The following SULT1C3 variants were observed in gnomAD, a reference collection of about 807,000 sequenced individuals.
The protein encoded by SULT1C3 is sulfotransferase family 1C member 3, also known as sulfotransferase 1C3.
In SULT1C3, 31 loss-of-function variants were observed where a neutral mutation model predicts 28.4. The ratio of observed to expected loss-of-function variants is 1.09; its 90% CI spans 0.82 to 1.47. SULT1C3 has a LOEUF of 1.47. Among genes scored for constraint, SULT1C3 ranks in the 40% most tolerant of loss-of-function variants. SULT1C3 has a pLI of 0.00. For synonymous variants in SULT1C3, 106 were observed against 92.2 expected (o/e 1.15, Z -0.86); for missense variants, 307 against 272.5 (o/e 1.13, Z -0.89).
chr2:108,265,170 G>T (rs1272462350), downstream of SULT1C3: 7 of 1,500,354 alleles, frequency 4.7e-6, no homozygotes, highest in Middle Eastern at 1.8e-4. Context: ...TCTTGGTGGG[G>T]TCCTAAGGGT....
chr2:108,264,814 T>G, downstream of SULT1C3: 1 of 1,600,820 alleles, frequency 6.2e-7, no homozygotes, highest in Non-Finnish European at 8.5e-7. Context: ...GTGTGACTGT[T>G]CCACATACAG....
rs566979758 is a variant in SULT1C3, at chr2:108,253,177, A to G, written c.302-168A>G. ...AGGAAATAAGCAAAACTCTCCTAGA[A>G]GGTTAGGCAGGATTGGATGCTTTGT... On this transcript the variant is annotated intron_variant, in intron 3 of 7. Coordinates refer to ENST00000681802, the MANE Select transcript of SULT1C3 (RefSeq NM_001320878.2). Among the ~76,000 whole-genome samples the G allele has an allele frequency of 1.3e-5, 2 of 152,244 alleles. 1 individual carries two copies. Among genetic ancestry groups the G allele is most frequent in the Admixed American group, 1.3e-4 (2 of 15,284 alleles).
Position 108,260,510 on chromosome 2 carries a change from A to G in SULT1C3, c.803-58A>G, listed in dbSNP as rs200321455. The G allele has an allele frequency of 4.4e-4, 201 of 457,798 alleles. 2 individuals are homozygous for G. Among genetic ancestry groups the G allele is most frequent in the South Asian group, 2.5e-3 (157 of 62,136 alleles). 28.4% of individuals were successfully genotyped at this position (457,798 alleles called of 1,614,324 possible). On this transcript the variant is annotated intron_variant, in intron 7 of 7. Transcript: ENST00000681802. ...GGTAGGCCTAGGAACCATTCACTAT[A>G]GAAAGGTTAGGTGGAATGGGTGCAG...
chr2:108,261,525 T>C (rs1429492781), downstream of SULT1C3, among the ~76,000 whole-genome samples: 2 of 152,132 alleles, frequency 1.3e-5, no homozygotes, highest in African/African-American at 4.8e-5. Flanking sequence ...CCTGGTTTTT[T>C]ATATGACCAA....
At chr2:108,250,554 C>T (rs992772667) in intron 2 of SULT1C3, among the ~76,000 whole-genome samples, 1 of 150,066 alleles carries the variant, frequency 6.7e-6, no homozygotes, top group Non-Finnish European at 1.5e-5. Context: ...AGAGATTCAC[C>T]CCCACCCCCA....
At position 108,260,621 on chromosome 2, in the gene SULT1C3, G is replaced by A; in HGVS notation, c.856G>A (p.Asp286Asn). ...TACTGTGGCTTTGAATGAGAACTTT[G>A]ATAAGCATTATGAAAAGAAGATGGC... ...HFTVALNENF[D>N]KHYEKKMAGS... Residue 286 changes from aspartate to asparagine, a missense_variant, in exon 8 of 8, where the codon GAT becomes AAT. Coordinates refer to ENST00000681802, the MANE Select transcript of SULT1C3 (RefSeq NM_001320878.2). The A allele has an allele frequency of 2.0e-6, 1 of 504,120 alleles. No homozygotes were observed. The highest frequency in any genetic ancestry group is 1.5e-5 in the South Asian group (1 of 68,490). 31.2% of individuals were successfully genotyped at this position (504,120 alleles called of 1,614,324 possible).
chr2:108,241,744 G>A (rs1251364016), intron 1 of SULT1C3, among the ~76,000 whole-genome samples: 1 of 152,104 alleles, frequency 6.6e-6, no homozygotes, highest in Non-Finnish European at 1.5e-5. Context: ...TGGCTAACAT[G>A]GTGAAACTCC....
In SULT1C3 at chr2:108,253,269, C is replaced by T. The variant is rs1011511933; in HGVS notation, c.302-76C>T. On this transcript the variant is annotated intron_variant, in intron 3 of 7. Coordinates refer to ENST00000681802, the MANE Select transcript of SULT1C3 (RefSeq NM_001320878.2). ...AAACAAAATATAATCACTCTACAGACAAAGATATAAATGGAATTCAAGTAT... is the reference window on the plus strand; with the variant it reads ...AAACAAAATATAATCACTCTACAGATAAAGATATAAATGGAATTCAAGTAT... The T allele has an allele frequency of 5.3e-6, 5 of 947,840 alleles. No homozygotes were observed. The Admixed American group carries it at 8.4e-5, about 16-fold the overall frequency. The allele number at this position is 947,840 out of a possible 1,614,324, so 58.7% of individuals were successfully genotyped here.
intron 1 of SULT1C3, among the ~76,000 whole-genome samples, chr2:108,241,020 A>T (rs1312197051): frequency 1.3e-5 from 2 of 152,190 alleles, no homozygotes; most frequent in Admixed American, 6.5e-5. Flanking sequence ...ATCCTCCATG[A>T]GTTGTGTGAG....
At chr2:108,265,045 T>G, downstream of SULT1C3, 1 of 1,568,304 alleles carries the variant, frequency 6.4e-7, no homozygotes, top group Non-Finnish European at 8.6e-7. Flanking sequence ...AATGGAACTC[T>G]GTGGTCCCCA....
chr2:108,262,583 G>A (rs1676047979), downstream of SULT1C3, among the ~76,000 whole-genome samples: 1 of 152,196 alleles, frequency 6.6e-6, no homozygotes, highest in African/African-American at 2.4e-5. Context: ...GTTAAGAACT[G>A]TAAGGTTTGA....
At chr2:108,265,306 G>T, downstream of SULT1C3, 1 of 1,613,976 alleles carries the variant, frequency 6.2e-7, no homozygotes, top group Non-Finnish European at 8.5e-7. Context: ...AGGACTACCA[G>T]AAGAAGATGG....
intron 2 of SULT1C3, 114 bp downstream of exon 2, chr2:108,247,480 G>T (rs1675617266): frequency 9.5e-7 from 1 of 1,053,870 alleles, no homozygotes; most frequent in Non-Finnish European, 1.3e-6. Context: ...CCTCATTATG[G>T]AGATCTGTTC....
chr2:108,255,823 G>A (rs1675854383), intron 5 of SULT1C3, 125 bp downstream of exon 5: 3 of 1,223,440 alleles, frequency 2.5e-6, no homozygotes, highest in Admixed American at 3.3e-5. Flanking sequence ...TTGATGATCT[G>A]GGACTGGAGA....
chr2:108,253,077 A>G (rs929678777), intron 3 of SULT1C3, among the ~76,000 whole-genome samples: 14 of 152,054 alleles, frequency 9.2e-5, no homozygotes, highest in Non-Finnish European at 4.4e-5. Context: ...ACAACCAGAT[A>G]TATAACAAAC....
rs201303511 is a variant in SULT1C3 at position 108,259,082 on chromosome 2, G to A, written c.738G>A (p.Met246Ile). The A allele has an allele frequency of 9.7e-5, 61 of 630,014 alleles. No homozygotes were observed. Among genetic ancestry groups the A allele is most frequent in the African/African-American group, 1.8e-5 (1 of 55,408 alleles). 39.0% of individuals were successfully genotyped at this position (630,014 alleles called of 1,614,324 possible). The change falls in exon 7 of 8, where the codon ATG becomes ATA. Residue 246 changes from methionine to isoleucine, a missense_variant. Transcript: ENST00000681802. Reference sequence around the variant, plus strand: ...TTGATGTAATGAAGGATAATCCCATGGCCAACCATACTGCGGTACCTGCTC... The same window carrying A: ...TTGATGTAATGAAGGATAATCCCATAGCCAACCATACTGCGGTACCTGCTC... ...TSFDVMKDNP[M>I]ANHTAVPAHI...
intron 2 of SULT1C3, among the ~76,000 whole-genome samples, chr2:108,247,967 T>G (rs1675628942): frequency 6.6e-6 from 1 of 152,142 alleles, no homozygotes; most frequent in African/African-American, 2.4e-5. Context: ...TAGGCCATTC[T>G]CCATTAAAAT....
intron 1 of SULT1C3, among the ~76,000 whole-genome samples, chr2:108,245,454 C>T (rs1408617342): frequency 6.6e-6 from 1 of 152,128 alleles, no homozygotes; most frequent in African/African-American, 2.4e-5. Context: ...GGTTAACTTC[C>T]AGACTTAGAA....
chr2:108,265,297 G>C, downstream of SULT1C3: 1 of 1,613,810 alleles, frequency 6.2e-7, no homozygotes, highest in Non-Finnish European at 8.5e-7. Context: ...AATTTGACAA[G>C]GACTACCAGA....
Sources: allele counts gnomAD v4.1 joint callset (sites outside exome capture counted in the v4.1 genomes callset), GRCh38; gene constraint gnomAD v4.1.1; transcripts MANE v1.5; gene names NCBI Gene and HGNC (gene_info 2026-07-23, HGNC 2026-07-21).